Variants in ZCCHC17 observed in about 807,000 individuals in gnomAD.
ZCCHC17 encodes the protein zinc finger CCHC domain-containing protein 17.
Under a neutral mutation model 30.6 loss-of-function variants are expected in ZCCHC17, and 18 were observed. That is an observed-to-expected ratio of 0.59 (90% CI 0.41 to 0.87). The LOEUF is 0.87. Ranked by LOEUF, ZCCHC17 falls within the 40% of genes least tolerant of loss-of-function variation. The pLI is 0.00. For missense variants in ZCCHC17, 263 were observed against 284.2 expected (o/e 0.93, Z 0.54); for synonymous variants, 88 against 92.4 (o/e 0.95, Z 0.27).
intron 3 of ZCCHC17, among the ~76,000 whole-genome samples, chr1:31,325,378 C>T (rs548957657): frequency 5.3e-5 from 8 of 152,346 alleles, no homozygotes; most frequent in African/African-American, 1.7e-4. Context: ...TCCAAGGGCT[C>T]CCTGAGCCAG....
intron 3 of ZCCHC17, among the ~76,000 whole-genome samples, chr1:31,326,975 T>C (rs1256326306): frequency 1.3e-5 from 2 of 152,322 alleles, no homozygotes; most frequent in Admixed American, 1.3e-4. Context: ...TAGATTCTAA[T>C]TTGAGCTGGT....
chr1:31,361,055 A>G (rs988462880), intron 7 of ZCCHC17, among the ~76,000 whole-genome samples: 1 of 152,284 alleles, frequency 6.6e-6, no homozygotes, highest in South Asian at 2.1e-4. Flanking sequence ...AAGGGGCAGA[A>G]CCCAGTGAGG....
rs1639284318 is a variant in ZCCHC17, at chr1:31,346,640, G to T, written c.318G>T (p.Glu106Asp). ...GCAGTCGGTATCTTTTTCATTATAG[G>T]CAAGAAGAGAGGCGGAGGCGATCCT... ...KDLDPNNVII[E>D]QEERRRRSFQ... The change falls in exon 6 of 8, where the codon GAG (glutamate) becomes GAT (aspartate). Residue 106 changes from glutamate to aspartate, a missense_variant and splice_region_variant. Transcript: ENST00000344147. 1 of 1,606,694 alleles carries T rather than the reference G, an allele frequency of 6.2e-7. No individual in the cohort carries two copies. The highest frequency in any genetic ancestry group is 8.5e-7 in the Non-Finnish European group (1 of 1,174,874).
chr1:31,350,838 G>C (rs1481017407), intron 7 of ZCCHC17, among the ~76,000 whole-genome samples: 1 of 152,170 alleles, frequency 6.6e-6, no homozygotes, highest in African/African-American at 2.4e-5. Flanking sequence ...CTGACCTCAA[G>C]TGATCCGCCT....
chr1:31,340,201 G>T (rs1235225720), intron 5 of ZCCHC17, among the ~76,000 whole-genome samples: 2 of 151,342 alleles, frequency 1.3e-5, no homozygotes, highest in Non-Finnish European at 2.9e-5. Flanking sequence ...CTCCCACCTT[G>T]GTCTCCTAAG....
chr1:31,355,117 G>A (rs1471554352), intron 7 of ZCCHC17, among the ~76,000 whole-genome samples: 1 of 150,794 alleles, frequency 6.6e-6, no homozygotes, highest in Non-Finnish European at 1.5e-5. Context: ...GGAGGGTGCA[G>A]TGAGCCGAGA....
At chr1:31,345,855 G>A (rs562427233) in intron 5 of ZCCHC17, among the ~76,000 whole-genome samples, 3 of 151,686 alleles carry the variant, frequency 2.0e-5, no homozygotes, top group African/African-American at 4.8e-5. Context: ...GGGGAAATCC[G>A]ACCCCATTAT....
rs1337336398 is a variant in ZCCHC17, at chr1:31,309,297, T to TA, written c.-55-746dup. Among the ~76,000 whole-genome samples the TA allele has an allele frequency of 3.3e-5, 5 of 152,122 alleles. No individual in the cohort carries two copies. The East Asian group carries it at 9.6e-4, about 29-fold the overall frequency. On this transcript the variant is annotated intron_variant, in intron 1 of 7. Coordinates refer to ENST00000344147, the MANE Select transcript of ZCCHC17 (RefSeq NM_016505.4). ...TGTATAATATAATAGTAATAGAACT[T>TA]ACATTTTAAGAGTTTTGAGAATTGT...
At chr1:31,324,561 GGACTCTCCA>G (rs1638262220) in intron 3 of ZCCHC17, among the ~76,000 whole-genome samples, 1 of 152,206 alleles carries the variant, frequency 6.6e-6, no homozygotes, top group Admixed American at 6.5e-5. Context: ...CCCACTGCCT[GGACTCTCCA>G]AGCTCCCGGC....
chr1:31,323,438 C>G (rs1241033171), intron 3 of ZCCHC17, among the ~76,000 whole-genome samples: 1 of 152,076 alleles, frequency 6.6e-6, no homozygotes, highest in African/African-American at 2.4e-5. Context: ...TCTCCTGTCT[C>G]AGCCTCCCAA....
chr1:31,352,937 A>C (rs1281409122), intron 7 of ZCCHC17, among the ~76,000 whole-genome samples: 1 of 152,074 alleles, frequency 6.6e-6, no homozygotes, highest in Non-Finnish European at 1.5e-5. Context: ...TTCTGTTTTT[A>C]ATATTTTGAG....
chr1:31,307,563 C>T (rs1175713225), intron 1 of ZCCHC17, among the ~76,000 whole-genome samples: 1 of 151,466 alleles, frequency 6.6e-6, no homozygotes, highest in East Asian at 1.9e-4. Flanking sequence ...GCCATCACGC[C>T]TGGCTGATTT....
intron 2 of ZCCHC17, among the ~76,000 whole-genome samples, chr1:31,312,491 T>G (rs565163146): frequency 2.9e-5 from 1 of 34,276 alleles, no homozygotes; most frequent in South Asian, 1.9e-3. Context: ...AAAATCGGGA[T>G]TCTAGTCCCA....
intron 7 of ZCCHC17, among the ~76,000 whole-genome samples, chr1:31,363,215 G>A (rs1410391671): frequency 3.6e-5 from 5 of 138,390 alleles, no homozygotes; most frequent in South Asian, 4.4e-4. Flanking sequence ...ACGGAGTCTC[G>A]CTCTGTCGCC....
intron 3 of ZCCHC17, among the ~76,000 whole-genome samples, chr1:31,333,451 A>C (rs1638675253): frequency 6.6e-6 from 1 of 152,206 alleles, no homozygotes; most frequent in Non-Finnish European, 1.5e-5. Context: ...TGAACCCAGG[A>C]GGTGGAGGTT....
intron 1 of ZCCHC17, among the ~76,000 whole-genome samples, chr1:31,305,152 A>G (rs1009098759): frequency 8.5e-5 from 13 of 152,074 alleles, no homozygotes; most frequent in African/African-American, 2.4e-4. Flanking sequence ...TCCCAGCTCT[A>G]GTTTCTTTGG....
At chr1:31,303,105 A>G (rs1299177912) in intron 1 of ZCCHC17, among the ~76,000 whole-genome samples, 1 of 150,378 alleles carries the variant, frequency 6.6e-6, no homozygotes, top group African/African-American at 2.5e-5. Context: ...AATGAAATCC[A>G]GTCTCTACCC....
At chr1:31,355,601 T>C (rs1299549593) in intron 7 of ZCCHC17, among the ~76,000 whole-genome samples, 5 of 152,232 alleles carry the variant, frequency 3.3e-5, no homozygotes, top group Non-Finnish European at 7.3e-5. Flanking sequence ...AATATTCTTT[T>C]CTGTATATCA....
At chr1:31,324,878 C>T (rs1463610863) in intron 3 of ZCCHC17, among the ~76,000 whole-genome samples, 4 of 147,928 alleles carry the variant, frequency 2.7e-5, no homozygotes, top group Non-Finnish European at 6.0e-5. Context: ...TGAAGCCGCA[C>T]CTTCAAGCCA....
Sources: gnomAD v4.1 joint callset for allele counts (sites outside exome capture counted in the v4.1 genomes callset) on GRCh38, gnomAD v4.1.1 for gene constraint, MANE v1.5 for transcripts, NCBI Gene and HGNC (gene_info 2026-07-23, HGNC 2026-07-21) for gene names.